Variants in SLC24A2 observed in about 807,000 individuals in gnomAD.
The protein encoded by SLC24A2 is sodium/potassium/calcium exchanger 2.
A neutral mutation model predicts 62.0 loss-of-function variants in SLC24A2; 36 were observed. That is an observed-to-expected ratio of 0.58 (90% CI 0.44 to 0.77). The LOEUF (loss-of-function observed/expected upper bound fraction) is 0.77, where lower values mean the gene tolerates loss of function less well. SLC24A2 is among the 30% of genes least tolerant of loss of function. SLC24A2 has a pLI of 0.00. For missense variants in SLC24A2, 846 were observed against 817.9 expected (o/e 1.03, Z -0.42); for synonymous variants, 358 against 294.0 (o/e 1.22, Z -2.23).
intron 2 of SLC24A2, among the ~76,000 whole-genome samples, chr9:19,716,297 A>G (rs77972556): frequency 6.6e-6 from 1 of 152,156 alleles, no homozygotes; most frequent in Non-Finnish European, 1.5e-5. Flanking sequence ...GCAACTTTTT[A>G]TTGATGAATG....
At chr9:20,082,068 G>A in the SLC24A2 span, among the ~76,000 whole-genome samples, 2 of 152,240 alleles carry the variant, frequency 1.3e-5, no homozygotes, top group Admixed American at 6.5e-5. Context: ...TGAATTTCAT[G>A]CGCTCCATCA....
chr9:19,742,484 T>A (rs1372788635), intron 2 of SLC24A2, among the ~76,000 whole-genome samples: 1 of 152,172 alleles, frequency 6.6e-6, no homozygotes, highest in Non-Finnish European at 1.5e-5. Flanking sequence ...GTTAGGAACT[T>A]CAGGAGAGAA....
At chr9:20,209,708 G>A in the SLC24A2 span, among the ~76,000 whole-genome samples, 1 of 152,120 alleles carries the variant, frequency 6.6e-6, no homozygotes, top group African/African-American at 2.4e-5. Flanking sequence ...AGTAATCACA[G>A]ACTTTGATAT....
chr9:19,886,272 C>A, the SLC24A2 span, among the ~76,000 whole-genome samples: 1 of 152,150 alleles, frequency 6.6e-6, no homozygotes, highest in Non-Finnish European at 1.5e-5. Context: ...GATTTTTTGA[C>A]TTTTTAATCA....
the SLC24A2 span, among the ~76,000 whole-genome samples, chr9:20,100,511 G>C: frequency 6.6e-6 from 1 of 152,180 alleles, no homozygotes. Flanking sequence ...CATAAGTGCA[G>C]ATATTTGTAC....
At chr9:19,984,283 AG>A in the SLC24A2 span, among the ~76,000 whole-genome samples, 170 of 152,292 alleles carry the variant, frequency 1.1e-3, 3 homozygotes, top group East Asian at 0.031. Context: ...CTAAATAGCT[AG>A]AATAATATTG....
intron 5 of SLC24A2, among the ~76,000 whole-genome samples, chr9:19,587,512 T>G (rs1264310954): frequency 1.3e-5 from 2 of 152,220 alleles, no homozygotes; most frequent in African/African-American, 4.8e-5. Context: ...GCAGAAGCAC[T>G]GGCACATGCT....
chr9:20,223,789 A>C, the SLC24A2 span, among the ~76,000 whole-genome samples: 1 of 152,090 alleles, frequency 6.6e-6, no homozygotes, highest in Non-Finnish European at 1.5e-5. Flanking sequence ...TGGAAAACAA[A>C]ACAAAATTAT....
chr9:19,512,275 T>C lies in SLC24A2; in HGVS notation c.*3878A>G, dbSNP rs1832745845. 6.6e-6 allele frequency: 1 copy of C among 152,252 alleles called. No homozygotes were observed. The highest frequency in any genetic ancestry group is 2.4e-5 in the African/African-American group (1 of 41,454). The allele number at this position is 152,252 out of a possible 1,614,324, so 9.4% of individuals were successfully genotyped here. Reference sequence around the variant, plus strand: ...CAAACCACCTGATTCATGTCTTCCCTATAAAATAAATTATGATGGCCCTTG... The same window carrying C: ...CAAACCACCTGATTCATGTCTTCCCCATAAAATAAATTATGATGGCCCTTG... On this transcript the variant is annotated 3_prime_UTR_variant, in exon 11 of 11. Transcript: ENST00000341998.
intron 8 of SLC24A2, among the ~76,000 whole-genome samples, chr9:19,531,943 T>C (rs930395472): frequency 8.5e-5 from 13 of 152,176 alleles, no homozygotes; most frequent in African/African-American, 2.7e-4. Flanking sequence ...ATATTTGTTA[T>C]TAGACAATAT....
the SLC24A2 span, among the ~76,000 whole-genome samples, chr9:19,852,631 G>C: frequency 1.9e-4 from 29 of 152,226 alleles, no homozygotes; most frequent in East Asian, 5.2e-3. Flanking sequence ...GATGATTGTA[G>C]ATGTGTGGTC....
chr9:19,721,450 AAGAAG>A (rs1331417309), intron 2 of SLC24A2, among the ~76,000 whole-genome samples: 2 of 152,166 alleles, frequency 1.3e-5, no homozygotes, highest in East Asian at 1.9e-4. Flanking sequence ...CCAACAACAA[AAGAAG>A]AGAAGACAGA....
At chr9:20,288,381 C>T in the SLC24A2 span, among the ~76,000 whole-genome samples, 1 of 152,066 alleles carries the variant, frequency 6.6e-6, no homozygotes, top group Admixed American at 6.6e-5. Flanking sequence ...AGTCTGTTCC[C>T]TCCTCTTGCA....
At chr9:20,085,611 T>A in the SLC24A2 span, among the ~76,000 whole-genome samples, 2 of 152,254 alleles carry the variant, frequency 1.3e-5, no homozygotes, top group African/African-American at 4.8e-5. Flanking sequence ...ATTTTCTTTC[T>A]ACTCATTCAG....
At chr9:20,256,024 T>A in the SLC24A2 span, among the ~76,000 whole-genome samples, 354 of 152,298 alleles carry the variant, frequency 2.3e-3, 2 homozygotes, top group Middle Eastern at 0.024. Flanking sequence ...TCTTTATATA[T>A]AATCCCATGG....
intron 8 of SLC24A2, among the ~76,000 whole-genome samples, chr9:19,532,852 C>A (rs1274908678): frequency 6.6e-6 from 1 of 152,196 alleles, no homozygotes; most frequent in Non-Finnish European, 1.5e-5. Context: ...TCTAATGGGT[C>A]ATGTTTTCAT....
chr9:19,888,646 G>A, the SLC24A2 span, among the ~76,000 whole-genome samples: 4 of 152,052 alleles, frequency 2.6e-5, no homozygotes, highest in African/African-American at 9.7e-5. Context: ...AGAAATTTTG[G>A]TACTGATCTT....
the SLC24A2 span, among the ~76,000 whole-genome samples, chr9:20,186,497 C>T: frequency 2.0e-5 from 3 of 152,294 alleles, no homozygotes; most frequent in Non-Finnish European, 2.9e-5. Flanking sequence ...GACCACCTCC[C>T]TACTCCAACA....
At chr9:19,829,311 T>G in the SLC24A2 span, among the ~76,000 whole-genome samples, 11 of 152,120 alleles carry the variant, frequency 7.2e-5, no homozygotes, top group African/African-American at 2.7e-4. Flanking sequence ...ACCGGTGTGG[T>G]TGATATAGCT....
Sources: gnomAD v4.1 joint callset for allele counts (sites outside exome capture counted in the v4.1 genomes callset) on GRCh38, gnomAD v4.1.1 for gene constraint, MANE v1.5 for transcripts, NCBI Gene and HGNC (gene_info 2026-07-23, HGNC 2026-07-21) for gene names.